The following EPHA3 variants were observed in gnomAD, a reference collection of about 807,000 sequenced individuals.
EPHA3 encodes ephrin type-A receptor 3.
Under a neutral mutation model 107.1 loss-of-function variants are expected in EPHA3, and 42 were observed. The ratio of observed to expected loss-of-function variants is 0.39; its 90% CI spans 0.31 to 0.51. The LOEUF (loss-of-function observed/expected upper bound fraction) is 0.51, where lower values mean the gene tolerates loss of function less well. Ranked by LOEUF, EPHA3 falls within the 20% of genes least tolerant of loss-of-function variation. The pLI is 0.78. For missense variants in EPHA3, 1,183 were observed against 1,211.2 expected, an observed-to-expected ratio of 0.98 and a Z score of 0.35; for synonymous variants, 461 against 424.8, an observed-to-expected ratio of 1.09 and a Z score of -1.05.
chr3:89,260,444 C>A (rs1048400024), intron 3 of EPHA3, among the ~76,000 whole-genome samples: 1 of 152,106 alleles, frequency 6.6e-6, no homozygotes, highest in African/African-American at 2.4e-5. Context: ...TGATGTTGAG[C>A]ACCTTTTCAT....
chr3:89,237,821 TA>T (rs967153049), intron 3 of EPHA3, among the ~76,000 whole-genome samples: 2 of 151,680 alleles, frequency 1.3e-5, no homozygotes, highest in Non-Finnish European at 2.9e-5. Context: ...AAACAAAATT[TA>T]AAAAAAATTA....
chr3:89,114,755 C>G (rs1011915937), intron 1 of EPHA3, among the ~76,000 whole-genome samples: 1 of 152,184 alleles, frequency 6.6e-6, no homozygotes, highest in African/African-American at 2.4e-5. Flanking sequence ...CTGGAGCGCG[C>G]GAGAGGCAAA....
chr3:89,279,307 G>C (rs1705886326), intron 3 of EPHA3, among the ~76,000 whole-genome samples: 1 of 151,950 alleles, frequency 6.6e-6, no homozygotes, highest in South Asian at 2.1e-4. Context: ...GACACACTCT[G>C]TTTACCATTC....
chr3:89,120,026 C>T (rs978614577), intron 1 of EPHA3, among the ~76,000 whole-genome samples: 4 of 152,026 alleles, frequency 2.6e-5, no homozygotes, highest in African/African-American at 9.7e-5. Flanking sequence ...ATCTGGATGT[C>T]GATATTCTAC....
At position 89,128,158 on chromosome 3, in the gene EPHA3, G is replaced by C. The variant is rs112934879; in HGVS notation, c.153+885G>C. ...AAGAGATTGTAATTACTTCCACTTC[G>C]TGTTGGCGTTCAGTCTTTAGATTTT... On this transcript the variant is annotated intron_variant, in intron 2 of 16. Coordinates refer to ENST00000336596, the MANE Select transcript of EPHA3 (RefSeq NM_005233.6). Among the ~76,000 whole-genome samples the C allele has an allele frequency of 8.1e-3, 1,234 of 152,122 alleles. 18 individuals are homozygous for C. Among genetic ancestry groups the C allele is most frequent in the African/African-American group, 0.025 (1,030 of 41,514 alleles).
At chr3:89,386,311 G>C (rs1021934608) in intron 5 of EPHA3, among the ~76,000 whole-genome samples, 13 of 152,172 alleles carry the variant, frequency 8.5e-5, no homozygotes, top group African/African-American at 2.9e-4. Context: ...AAATGGTTTT[G>C]AGGGCCAGTC....
intron 11 of EPHA3, among the ~76,000 whole-genome samples, chr3:89,422,551 T>C (rs73137393): frequency 0.18 from 27,276 of 151,244 alleles, 3,195 homozygotes; most frequent in Non-Finnish European, 0.24. Flanking sequence ...GTAACAAAAT[T>C]AAACAGTACT....
intron 1 of EPHA3, among the ~76,000 whole-genome samples, chr3:89,109,380 T>G (rs1707046589): frequency 6.6e-6 from 1 of 152,030 alleles, no homozygotes; most frequent in Admixed American, 6.5e-5. Context: ...AAACTTAATG[T>G]TTTAAAAATT....
intron 5 of EPHA3, among the ~76,000 whole-genome samples, chr3:89,346,945 T>A (rs1203179425): frequency 6.8e-6 from 1 of 146,416 alleles, no homozygotes; most frequent in Non-Finnish European, 1.5e-5. Flanking sequence ...CGGCGTTATT[T>A]CTGAGGGCTC....
intron 1 of EPHA3, among the ~76,000 whole-genome samples, chr3:89,121,994 T>C (rs544170662): frequency 2.0e-5 from 3 of 152,028 alleles, no homozygotes; most frequent in African/African-American, 4.8e-5. Flanking sequence ...GATTTCTTAA[T>C]TCTGTATTAT....
chr3:89,294,464 G>A (rs946267495), intron 3 of EPHA3, among the ~76,000 whole-genome samples: 2 of 151,898 alleles, frequency 1.3e-5, no homozygotes, highest in Non-Finnish European at 2.9e-5. Context: ...TTCATTTTTG[G>A]TAGTTTCATT....
Position 89,136,985 on chromosome 3 carries a change from A to G in EPHA3, c.153+9712A>G, listed in dbSNP as rs138009882. Among the ~76,000 whole-genome samples the G allele has an allele frequency of 5.0e-3, 765 of 152,072 alleles. 9 individuals are homozygous for G. Among genetic ancestry groups the G allele is most frequent in the African/African-American group, 0.017 (722 of 41,566 alleles). ...AGCTCTGTTTTGTTGTGCAACTTCA[A>G]ATTAGCATATTTTCTGGTCAAAAAT... On this transcript the variant is annotated intron_variant, in intron 2 of 16. Transcript: ENST00000336596.
At chr3:89,407,560 T>C (rs1709079502) in intron 8 of EPHA3, among the ~76,000 whole-genome samples, 189 bp downstream of exon 8, 1 of 152,166 alleles carries the variant, frequency 6.6e-6, no homozygotes, top group African/African-American at 2.4e-5. Context: ...GATTTTCTGC[T>C]CTACATTAAA....
intron 2 of EPHA3, 51 bp from the exon 3 acceptor site, chr3:89,209,809 C>T (rs778273718): frequency 3.4e-5 from 49 of 1,453,574 alleles, no homozygotes; most frequent in East Asian, 6.9e-5. Flanking sequence ...ATGTTGTATT[C>T]GTTATTATCA....
At chr3:89,299,265 A>T (rs1250602928) in intron 3 of EPHA3, among the ~76,000 whole-genome samples, 1 of 152,088 alleles carries the variant, frequency 6.6e-6, no homozygotes, top group Non-Finnish European at 1.5e-5. Context: ...ATTATACTTA[A>T]TCAAGGTGGA....
chr3:89,317,686 A>G (rs1706941318), intron 3 of EPHA3, among the ~76,000 whole-genome samples: 1 of 151,838 alleles, frequency 6.6e-6, no homozygotes, highest in Non-Finnish European at 1.5e-5. Flanking sequence ...TACACATTTT[A>G]AAAAGTAATG....
intron 5 of EPHA3, among the ~76,000 whole-genome samples, chr3:89,387,813 T>C (rs1708652741): frequency 6.6e-6 from 1 of 152,276 alleles, no homozygotes; most frequent in African/African-American, 2.4e-5. Flanking sequence ...TGTCATTACT[T>C]TTTTAAAATT....
chr3:89,471,604 C>A (rs914603724), intron 15 of EPHA3, among the ~76,000 whole-genome samples: 1 of 151,990 alleles, frequency 6.6e-6, no homozygotes, highest in Non-Finnish European at 1.5e-5. Context: ...CCTCAGGTGA[C>A]CCGCCGGCCT....
chr3:89,343,703 T>C (rs746786151), intron 5 of EPHA3, among the ~76,000 whole-genome samples: 3 of 152,206 alleles, frequency 2.0e-5, no homozygotes, highest in Non-Finnish European at 4.4e-5. Context: ...AAATCTTATA[T>C]TTTTACATTC....
Sources: allele counts gnomAD v4.1 joint callset (sites outside exome capture counted in the v4.1 genomes callset), GRCh38; gene constraint gnomAD v4.1.1; transcripts MANE v1.5; gene names NCBI Gene and HGNC (gene_info 2026-07-23, HGNC 2026-07-21).